Variants in GJC2 observed in about 807,000 individuals in gnomAD.
GJC2 encodes gap junction protein gamma 2.
For synonymous variants in GJC2, 336 were observed against 307.5 expected (o/e 1.09, Z -0.97); for missense variants, 647 against 648.9 (o/e 1.00, Z 0.03).
In GJC2 at chr1:228,150,694, G is replaced by A. The variant is rs1053841921; in HGVS notation, c.-20+687G>A. Among the ~76,000 whole-genome samples the A allele has an allele frequency of 2.6e-5, 4 of 152,188 alleles. No homozygotes were observed. Among genetic ancestry groups the A allele is most frequent in the African/African-American group, 7.2e-5 (3 of 41,544 alleles). ...GGGAGGCCCACACCCCTCTGGGAGG[G>A]CGGAGCACCCCAGGGCTGCTGCGCA... On this transcript the variant is annotated intron_variant, in intron 1 of 1. Transcript: ENST00000366714. The surrounding 1 kb of genome is among the most constrained non-coding windows in gnomAD (Gnocchi z 4.6).
Position 228,158,472 on chromosome 1 carries a change from G to A in GJC2, c.714G>A (p.Glu238=). The A allele has an allele frequency of 2.5e-6, 4 of 1,611,986 alleles. No individual in the cohort carries two copies. The highest frequency in any genetic ancestry group is 2.2e-5 in the East Asian group (1 of 44,844). ...LVGQYLLYGF[E]VRPFFPCSRQ... is the part of the protein sequence containing the mutation. ...GCCAGTACCTGCTGTACGGCTTCGA[G>A]GTGCGACCGTTCTTTCCCTGCAGCC... The change falls in exon 2 of 2, where the codon GAG becomes GAA. Residue 238 remains glutamate (E), a synonymous_variant. Transcript: ENST00000366714. This position sits in a 1 kb window ranked among gnomAD's most constrained non-coding sequence, Gnocchi z 8.3.
At chr1:228,153,396 A>C (rs1026904609) in intron 1 of GJC2, among the ~76,000 whole-genome samples, 3 of 151,746 alleles carry the variant, frequency 2.0e-5, no homozygotes, top group Admixed American at 6.6e-5. Context: ...CAAAAAAAAA[A>C]AAAAAAAGTA....
intron 1 of GJC2, among the ~76,000 whole-genome samples, chr1:228,153,888 C>T (rs2034649537): frequency 6.6e-6 from 1 of 151,762 alleles, no homozygotes; most frequent in South Asian, 2.1e-4. Context: ...GCTTAAGACC[C>T]CATTTCTTAA....
Position 228,158,296 on chromosome 1 carries a change from A to G in GJC2, c.538A>G (p.Lys180Glu). 1 of 1,539,532 alleles carries G rather than the reference A, an allele frequency of 6.5e-7. No individual in the cohort carries two copies. The highest frequency in any genetic ancestry group is 8.7e-7 in the Non-Finnish European group (1 of 1,145,334). ...EEAGAEEACTKAVGADGKAAG... is the reference protein window; with the variant it reads ...EEAGAEEACTEAVGADGKAAG... Reference sequence around the variant, plus strand: ...GGCAGGCGCGGAGGAGGCGTGCACTAAGGCGGTCGGCGCTGACGGCAAGGC... The same window carrying G: ...GGCAGGCGCGGAGGAGGCGTGCACTGAGGCGGTCGGCGCTGACGGCAAGGC... Residue 180 changes from lysine to glutamate, a missense_variant, in exon 2 of 2, where the codon AAG (lysine) becomes GAG (glutamate). Lys to Glu is a moderately conservative substitution (Grantham distance 56). Transcript: ENST00000366714. This position sits in a 1 kb window ranked among gnomAD's most constrained non-coding sequence, Gnocchi z 8.3.
rs1295375282 is a variant in GJC2, at chr1:228,158,093, GCGCCCTCCGCCGCCGCCCGGGGCCA to G, written c.340_364del (p.Leu114AlafsTer88). 1.3e-6 allele frequency: 2 copies of G among 1,520,214 alleles called. No homozygotes were observed. Among genetic ancestry groups the G allele is most frequent in the African/African-American group, 2.8e-5 (2 of 71,284 alleles). The allele number at this position is 1,520,214 out of a possible 1,614,324, so 94.2% of individuals were successfully genotyped here. The stretch of plus-strand genomic sequence containing the variant: ...CGTGCGTCTGAGCAGGAGCGGCGCC[GCGCCCTCCGCCGCCGCCCGGGGCCA>G]CGCCGCGCGCCCCGAGCGCACCTGC... On this transcript the variant is annotated frameshift_variant, in exon 2 of 2. Coordinates refer to ENST00000366714, the MANE Select transcript of GJC2 (RefSeq NM_020435.4). LOFTEE classifies it low-confidence loss of function (END_TRUNC). The surrounding 1 kb of genome is among the most constrained non-coding windows in gnomAD (Gnocchi z 8.3).
intron 1 of GJC2, among the ~76,000 whole-genome samples, chr1:228,156,280 G>A (rs960955023): frequency 3.9e-5 from 6 of 152,290 alleles, no homozygotes; most frequent in African/African-American, 1.2e-4. Context: ...GCATCTGCAT[G>A]TGAGTGCAAA....
Position 228,158,644 on chromosome 1 carries a change from G to A in GJC2, c.886G>A (p.Asp296Asn). Residue 296 changes from aspartate to asparagine, a missense_variant, in exon 2 of 2, where the codon GAC becomes AAC. Transcript: ENST00000366714. The surrounding 1 kb of genome is among the most constrained non-coding windows in gnomAD (Gnocchi z 8.3). ...CCACCTGGGCTTGGGCAGCGCGCAG[G>A]ACGCGGTGCGCGGCCGCCGCGGCCC... ...MAHLGLGSAQ[D>N]AVRGRRGPPA... 1 of 1,598,718 alleles carries A rather than the reference G, an allele frequency of 6.3e-7. No individual in the cohort carries two copies. The highest frequency in any genetic ancestry group is 8.5e-7 in the Non-Finnish European group (1 of 1,173,858).
Position 228,158,403 on chromosome 1 carries a change from C to G in GJC2, c.645C>G (p.Ala215=). 6.2e-7 allele frequency: 1 copy of G among 1,605,988 alleles called. No homozygotes were observed. The highest frequency in any genetic ancestry group is 1.1e-5 in the South Asian group (1 of 91,040). ...AGGGCCTGATGCGCGTGTACGTGGC[C>G]CAGCTGGTGGCCAGGGCAGCTTTCG... is the stretch of plus-strand genomic sequence containing the variant. ...QREGLMRVYV[A]QLVARAAFEV... The change falls in exon 2 of 2, where the codon GCC becomes GCG. Residue 215 remains alanine (A), a synonymous_variant. Transcript: ENST00000366714. This position sits in a 1 kb window ranked among gnomAD's most constrained non-coding sequence, Gnocchi z 8.3.
intron 1 of GJC2, among the ~76,000 whole-genome samples, chr1:228,157,088 G>A (rs1558119135): frequency 1.4e-5 from 2 of 147,510 alleles, no homozygotes; most frequent in Admixed American, 6.7e-5. Flanking sequence ...CCAGCCGGGG[G>A]CTGGAGGGAG....
intron 1 of GJC2, among the ~76,000 whole-genome samples, chr1:228,153,348 G>A (rs1016777802): frequency 5.3e-5 from 8 of 150,912 alleles, no homozygotes; most frequent in South Asian, 2.1e-4. Flanking sequence ...ATGATTGTGC[G>A]GCTGCACTCC....
Position 228,158,785 on chromosome 1 carries a change from G to T in GJC2, c.1027G>T (p.Ala343Ser), listed in dbSNP as rs1021631118. The T allele has an allele frequency of 7.7e-6, 11 of 1,425,440 alleles. No homozygotes were observed. Among genetic ancestry groups the T allele is most frequent in the Non-Finnish European group, 1.0e-5 (11 of 1,092,308 alleles). 88.3% of individuals were successfully genotyped at this position (1,425,440 alleles called of 1,614,324 possible). A position where few individuals can be genotyped will look rare whatever the true frequency, so the allele number is the denominator to read the frequency against. Residue 343 changes from alanine to serine, a missense_variant, in exon 2 of 2, where the codon GCT becomes TCT. Physicochemically the swap from Ala to Ser is moderately conservative, Grantham distance 99. Transcript: ENST00000366714. The surrounding 1 kb of genome is among the most constrained non-coding windows in gnomAD (Gnocchi z 8.3). ...CCTGGTGGTGCGGGCGGCCGAGCGC[G>T]CTCGGGCGCATGACCAGAACCTGGC... ...YSLVVRAAER[A>S]RAHDQNLANL...
At position 228,159,024 on chromosome 1, in the gene GJC2, C is replaced by T. The variant is rs2034733946; in HGVS notation, c.1266C>T (p.Gly422=). 1.9e-6 allele frequency: 3 copies of T among 1,609,086 alleles called. No homozygotes were observed. In the South Asian group the frequency reaches 3.3e-5, roughly 18 times the overall value. ...HERPGAKPRA[G]SEKGSASSRD... ...GGCCAGGAGCCAAGCCCAGGGCTGG[C>T]TCCGAGAAGGGCAGTGCCAGCAGCA... The change falls in exon 2 of 2, where the codon GGC becomes GGT. Residue 422 remains glycine (G), a synonymous_variant. Coordinates refer to ENST00000366714, the MANE Select transcript of GJC2 (RefSeq NM_020435.4). The surrounding 1 kb of genome is among the most constrained non-coding windows in gnomAD (Gnocchi z 4.0).
In GJC2 at chr1:228,150,552, C is replaced by T. The variant is rs1405759309; in HGVS notation, c.-20+545C>T. 2.0e-5 allele frequency among the ~76,000 whole-genome samples: 3 copies of T among 152,220 alleles called. No individual in the cohort carries two copies. The highest frequency in any genetic ancestry group is 7.2e-5 in the African/African-American group (3 of 41,450). On this transcript the variant is annotated intron_variant, in intron 1 of 1. Coordinates refer to ENST00000366714, the MANE Select transcript of GJC2 (RefSeq NM_020435.4). This position sits in a 1 kb window ranked among gnomAD's most constrained non-coding sequence, Gnocchi z 4.6. ...GCCTAGGTCTGAAGCCCAGCAGACC[C>T]TGTGGTCAAGGATCCAACCCCAGTG... is the stretch of plus-strand genomic sequence containing the variant.
In GJC2 at chr1:228,158,757, C is replaced by T. The variant is rs1334884426; in HGVS notation, c.999C>T (p.Tyr333=). 1.4e-6 allele frequency: 2 copies of T among 1,392,796 alleles called. No homozygotes were observed. Among genetic ancestry groups the T allele is most frequent in the Non-Finnish European group, 1.9e-6 (2 of 1,072,654 alleles). The allele number at this position is 1,392,796 out of a possible 1,614,324, so 86.3% of individuals were successfully genotyped here. Residue 333 remains tyrosine, a synonymous_variant, in exon 2 of 2, where the codon TAC becomes TAT. Transcript: ENST00000366714. The surrounding 1 kb of genome is among the most constrained non-coding windows in gnomAD (Gnocchi z 8.3). ...CTGGCTTGGCCTGCCCGCCCGACTA[C>T]AGCCTGGTGGTGCGGGCGGCCGAGC... ...AAAGLACPPD[Y]SLVVRAAERA... is the part of the protein sequence containing the mutation.
At chr1:228,154,045 A>G (rs923406017) in intron 1 of GJC2, among the ~76,000 whole-genome samples, 2 of 152,182 alleles carry the variant, frequency 1.3e-5, no homozygotes, top group African/African-American at 2.4e-5. Context: ...CCTCACACCC[A>G]GTTTCCCCGT....
intron 1 of GJC2, among the ~76,000 whole-genome samples, chr1:228,156,616 GC>G (rs1429129697): frequency 6.6e-6 from 1 of 152,232 alleles, no homozygotes; most frequent in African/African-American, 2.4e-5. Flanking sequence ...GAGGCCGGGA[GC>G]CTCACCAGCG....
rs975731569 is a variant in GJC2 at position 228,151,915 on chromosome 1, G to C, written c.-20+1908G>C. Among the ~76,000 whole-genome samples, 2 of 152,182 alleles carry C rather than the reference G, an allele frequency of 1.3e-5. No homozygotes were observed. The highest frequency in any genetic ancestry group is 2.4e-5 in the African/African-American group (1 of 41,450). On this transcript the variant is annotated intron_variant, in intron 1 of 1. Transcript: ENST00000366714. The surrounding 1 kb of genome is among the most constrained non-coding windows in gnomAD (Gnocchi z 5.4). ...GCTCAGGCAGGGACATGGAGGACAG[G>C]TAGTGGAGCTGCCACCACAGAGCTG...
At position 228,158,498 on chromosome 1, in the gene GJC2, G is replaced by A. The variant is rs1057523988; in HGVS notation, c.740G>A (p.Arg247His). 1.2e-6 allele frequency: 2 copies of A among 1,612,544 alleles called. No individual in the cohort carries two copies. The highest frequency in any genetic ancestry group is 8.5e-7 in the Non-Finnish European group (1 of 1,179,590). Residue 247 changes from arginine (R) to histidine (H), a missense_variant, in exon 2 of 2, where the codon CGC (arginine) becomes CAC (histidine). Coordinates refer to ENST00000366714, the MANE Select transcript of GJC2 (RefSeq NM_020435.4). This position sits in a 1 kb window ranked among gnomAD's most constrained non-coding sequence, Gnocchi z 8.3. ...GTGCGACCGTTCTTTCCCTGCAGCC[G>A]CCAGCCCTGCCCGCACGTGGTGGAC... ...FEVRPFFPCS[R>H]QPCPHVVDCF...
rs895826220 is a variant in GJC2 at position 228,159,217 on chromosome 1, A to G, written c.*139A>G. On this transcript the variant is annotated 3_prime_UTR_variant, in exon 2 of 2. Coordinates refer to ENST00000366714, the MANE Select transcript of GJC2 (RefSeq NM_020435.4). The surrounding 1 kb of genome is among the most constrained non-coding windows in gnomAD (Gnocchi z 4.0). The stretch of plus-strand genomic sequence containing the variant: ...GCCCAGAGGGGCAGCCAGGCTGCTC[A>G]GGGAAGGGGCTGAAAGCGGCAGAGG... 1.4e-5 allele frequency: 14 copies of G among 1,036,536 alleles called. No individual in the cohort carries two copies. The African/African-American group carries it at 2.1e-4, about 16-fold the overall frequency. 64.2% of individuals were successfully genotyped at this position (1,036,536 alleles called of 1,614,324 possible). A position where few individuals can be genotyped will look rare whatever the true frequency, so the allele number is the denominator to read the frequency against.
Sources: allele counts gnomAD v4.1 joint callset (sites outside exome capture counted in the v4.1 genomes callset), GRCh38; gene constraint gnomAD v4.1.1; non-coding constraint Gnocchi (gnomAD v3.1); transcripts MANE v1.5; gene names NCBI Gene and HGNC (gene_info 2026-07-23, HGNC 2026-07-21).